The following CUBN variants were observed in gnomAD, a reference collection of about 807,000 sequenced individuals.
The protein encoded by CUBN is 460 kDa receptor.
A neutral mutation model predicts 405.3 loss-of-function variants in CUBN; 282 were observed. The ratio of observed to expected loss-of-function variants is 0.70; its 90% confidence interval spans 0.63 to 0.77. CUBN has a LOEUF of 0.77. Ranked by LOEUF, CUBN falls within the 30% of genes least tolerant of loss-of-function variation. The pLI is 0.00. For synonymous variants in CUBN, 1,684 were observed against 1,617.0 expected (o/e 1.04, Z -0.99); for missense variants, 4,514 against 4,475.2 (o/e 1.01, Z -0.25).
chr10:17,127,844 ATAGAT>A lies in CUBN; in HGVS notation c.328_332del (p.Ile110SerfsTer3). On this transcript the variant is annotated frameshift_variant, in exon 3 of 67. Coordinates refer to ENST00000377833, the MANE Select transcript of CUBN (RefSeq NM_001081.4). LOFTEE classifies it high-confidence loss of function. ...TCAGACTTACCTTGGAATTAAGCTG[ATAGAT>A]TTGACTAGATATATTTTGAGGCAGA... 1 of 1,611,854 alleles carries A rather than the reference ATAGAT, an allele frequency of 6.2e-7. No homozygotes were observed. The highest frequency in any genetic ancestry group is 8.5e-7 in the Non-Finnish European group (1 of 1,177,978).
rs540928050 is a variant in CUBN at position 16,915,248 on chromosome 10, T to C, written c.7211-76A>G. ...TACCCTCTATTCAAGGTGTCCTGTG[T>C]GTACAAAGAAAATAATAAAAAACAA... On this transcript the variant is annotated intron_variant, in intron 46 of 66. Coordinates refer to ENST00000377833, the MANE Select transcript of CUBN (RefSeq NM_001081.4). 7.4e-5 allele frequency: 116 copies of C among 1,575,038 alleles called. 1 individual carries two copies. In the East Asian group the frequency reaches 2.5e-3, roughly 33 times the overall value.
intron 34 of CUBN, among the ~76,000 whole-genome samples, chr10:16,949,055 C>A (rs753113196): frequency 3.8e-4 from 58 of 152,160 alleles, no homozygotes; most frequent in Non-Finnish European, 1.3e-4. Context: ...GTGCTTGGTG[C>A]CTCAGTTTCC....
intron 28 of CUBN, among the ~76,000 whole-genome samples, chr10:16,992,336 C>A (rs1833614920): frequency 6.6e-6 from 1 of 152,182 alleles, no homozygotes; most frequent in Non-Finnish European, 1.5e-5. Flanking sequence ...CACATGCATA[C>A]ATATGTGACA....
chr10:16,960,218 G>T (rs1348718727), intron 31 of CUBN, among the ~76,000 whole-genome samples: 5 of 152,216 alleles, frequency 3.3e-5, no homozygotes, highest in African/African-American at 9.6e-5. Flanking sequence ...GAGGCCGGGT[G>T]CAGTGGCTCA....
chr10:16,829,948 T>G (rs28431781), intron 65 of CUBN, among the ~76,000 whole-genome samples: 39 of 151,754 alleles, frequency 2.6e-4, no homozygotes, highest in Middle Eastern at 6.8e-3. Context: ...TTTTGTTTTT[T>G]TTTTTGAGAC....
chr10:17,036,712 C>T (rs2131810172), intron 27 of CUBN, among the ~76,000 whole-genome samples: 1 of 152,230 alleles, frequency 6.6e-6, no homozygotes, highest in East Asian at 1.9e-4. Context: ...CTAAATTAGA[C>T]ACTAAAAATA....
At chr10:17,038,366 T>G (rs1317855441) in intron 27 of CUBN, among the ~76,000 whole-genome samples, 1 of 152,188 alleles carries the variant, frequency 6.6e-6, no homozygotes, top group Non-Finnish European at 1.5e-5. Flanking sequence ...CACGGGCAAA[T>G]GGTCTCACTC....
At chr10:16,890,916 T>A (rs1009523233) in intron 54 of CUBN, among the ~76,000 whole-genome samples, 1 of 152,282 alleles carries the variant, frequency 6.6e-6, no homozygotes, top group East Asian at 1.9e-4. Context: ...TAGCAGATTG[T>A]GGTCACAGCT....
At position 16,913,806 on chromosome 10, in the gene CUBN, C is replaced by G; in HGVS notation, c.7533+5G>C. 1 of 1,613,164 alleles carries G rather than the reference C, an allele frequency of 6.2e-7. No homozygotes were observed. Among genetic ancestry groups the G allele is most frequent in the Non-Finnish European group, 8.5e-7 (1 of 1,180,010 alleles). On this transcript the variant is annotated splice_donor_5th_base_variant and intron_variant, in intron 48 of 66. Transcript: ENST00000377833. ...ATAACATCTCAGGCGGCAGGGAACA[C>G]TTACTATCACATGCTCATTGTTGCA...
At chr10:17,119,847 T>G (rs1836995554) in intron 6 of CUBN, among the ~76,000 whole-genome samples, 1 of 152,146 alleles carries the variant, frequency 6.6e-6, no homozygotes, top group South Asian at 2.1e-4. Flanking sequence ...GCTATAATCA[T>G]TGTTCTAAAA....
At position 17,065,571 on chromosome 10, in the gene CUBN, T is replaced by A; in HGVS notation, c.3076A>T (p.Thr1026Ser). 1.2e-6 allele frequency: 2 copies of A among 1,613,684 alleles called. No homozygotes were observed. Among genetic ancestry groups the A allele is most frequent in the Non-Finnish European group, 1.7e-6 (2 of 1,179,662 alleles). ...SGNSLMLVFV[T>S]DSDLAYEGFL... ...CCTTCATAAGCGAGGTCGGAGTCAG[T>A]CACAAACACCAGCATCAATGAGTTA... The change falls in exon 22 of 67, where the codon ACT (threonine) becomes TCT (serine). Residue 1026 changes from threonine (T) to serine (S), a missense_variant. Physicochemically the swap from Thr to Ser is moderately conservative, Grantham distance 58. Transcript: ENST00000377833.
At chr10:17,121,381 T>C (rs887347627) in intron 6 of CUBN, among the ~76,000 whole-genome samples, 6 of 151,954 alleles carry the variant, frequency 3.9e-5, no homozygotes, top group Admixed American at 6.6e-5. Flanking sequence ...AAATGATGAG[T>C]TCATGTCCTT....
At chr10:16,833,272 G>A (rs1423438698) in intron 64 of CUBN, among the ~76,000 whole-genome samples, 1 of 152,086 alleles carries the variant, frequency 6.6e-6, no homozygotes, top group African/African-American at 2.4e-5. Context: ...TGGTGGGGGA[G>A]GTACACAGGT....
chr10:17,124,166 T>C (rs1837112684), intron 4 of CUBN, among the ~76,000 whole-genome samples: 1 of 152,180 alleles, frequency 6.6e-6, no homozygotes, highest in Non-Finnish European at 1.5e-5. Context: ...CCTCCTCCCA[T>C]GGGTTAAGGT....
At chr10:16,902,775 G>C (rs1158032779) in intron 51 of CUBN, among the ~76,000 whole-genome samples, 1 of 152,164 alleles carries the variant, frequency 6.6e-6, no homozygotes, top group Non-Finnish European at 1.5e-5. Flanking sequence ...GAAAGTGAAA[G>C]AGTGAAGTCT....
intron 51 of CUBN, among the ~76,000 whole-genome samples, chr10:16,903,242 T>C (rs1841449223): frequency 6.6e-6 from 1 of 152,152 alleles, no homozygotes; most frequent in Admixed American, 6.5e-5. Flanking sequence ...CCTATGCCCA[T>C]TTACATTTAA....
chr10:16,910,756 A>C (rs1841706027), intron 48 of CUBN, among the ~76,000 whole-genome samples: 1 of 151,158 alleles, frequency 6.6e-6, no homozygotes, highest in East Asian at 1.9e-4. Context: ...AATTATTATT[A>C]ATATATTCAT....
chr10:16,900,571 T>C lies in CUBN; in HGVS notation c.8410+54A>G, dbSNP rs937092602. The C allele has an allele frequency of 1.8e-5, 24 of 1,318,874 alleles. No homozygotes were observed. In the African/African-American group the frequency reaches 3.2e-4, roughly 18 times the overall value. 81.7% of individuals were successfully genotyped at this position (1,318,874 alleles called of 1,614,324 possible). ...AGGTACAAAATGTACATATTATGAG[T>C]TCATACTATACATCACTAAAAAGAA... On this transcript the variant is annotated intron_variant, in intron 53 of 66. Coordinates refer to ENST00000377833, the MANE Select transcript of CUBN (RefSeq NM_001081.4).
chr10:16,891,754 G>C lies in CUBN; in HGVS notation c.8599-1227C>G, dbSNP rs540671468. On this transcript the variant is annotated intron_variant, in intron 54 of 66. Transcript: ENST00000377833. ...AACATTAAACATATTAACCAGAGAAGCTCGTCCTAGTTCAGAGGTCTCAAC... is the reference window on the plus strand; with the variant it reads ...AACATTAAACATATTAACCAGAGAACCTCGTCCTAGTTCAGAGGTCTCAAC... Among the ~76,000 whole-genome samples the C allele has an allele frequency of 3.9e-5, 6 of 152,190 alleles. No homozygotes were observed. The South Asian group carries it at 1.2e-3, about 32-fold the overall frequency.
Sources: gnomAD v4.1 joint callset for allele counts (sites outside exome capture counted in the v4.1 genomes callset) on GRCh38, gnomAD v4.1.1 for gene constraint, MANE v1.5 for transcripts, NCBI Gene and HGNC (gene_info 2026-07-23, HGNC 2026-07-21) for gene names.